The following CAMTA1 variants were observed in gnomAD, a reference collection of about 807,000 sequenced individuals.
CAMTA1 encodes the protein calmodulin-binding transcription activator 1.
Under a neutral mutation model 170.9 loss-of-function variants are expected in CAMTA1, and 27 were observed. The observed-to-expected ratio is 0.16, with a 90% CI of 0.12 to 0.22. The LOEUF is 0.22. Among genes scored for constraint, CAMTA1 ranks in the 10% least tolerant of loss-of-function variants. The pLI, the probability that CAMTA1 is intolerant of heterozygous loss-of-function variation, is 1.00. For missense variants in CAMTA1, 1,619 were observed against 2,217.2 expected (o/e 0.73, Z 5.42); for synonymous variants, 833 against 891.5 (o/e 0.93, Z 1.17).
chr1:6,925,583 C>A (rs1682932914), intron 3 of CAMTA1, among the ~76,000 whole-genome samples: 1 of 152,094 alleles, frequency 6.6e-6, no homozygotes, highest in South Asian at 2.1e-4. Flanking sequence ...GTCCCTGTAG[C>A]CTGGAGGTAG....
chr1:7,537,786 C>T (rs1401866188), intron 6 of CAMTA1, among the ~76,000 whole-genome samples: 4 of 152,182 alleles, frequency 2.6e-5, no homozygotes, highest in African/African-American at 7.2e-5. Context: ...TCAGCAAATG[C>T]CCCCAAACCA....
Position 7,063,243 on chromosome 1 carries a change from T to A in CAMTA1, c.235-28061T>A, listed in dbSNP as rs10864270. On this transcript the variant is annotated intron_variant, in intron 3 of 22. Transcript: ENST00000303635. This position sits in a 1 kb window ranked among gnomAD's most constrained non-coding sequence, Gnocchi z 4.3. ...CTCCCACTTTCTTCACCCCCTAACATCAGGTCAAATCCGGCCTAGAATTCC... is the reference window on the plus strand; with the variant it reads ...CTCCCACTTTCTTCACCCCCTAACAACAGGTCAAATCCGGCCTAGAATTCC... 6.6e-6 allele frequency among the ~76,000 whole-genome samples: 1 copy of A among 152,028 alleles called. No homozygotes were observed. The highest frequency in any genetic ancestry group is 1.5e-5 in the Non-Finnish European group (1 of 68,012).
chr1:6,890,211 C>A (rs138210405), intron 3 of CAMTA1, among the ~76,000 whole-genome samples: 72 of 152,288 alleles, frequency 4.7e-4, no homozygotes, highest in African/African-American at 1.7e-3. Context: ...GTTTCCTACT[C>A]CATTAAGCCA....
At chr1:7,544,829 G>A (rs1176007761) in intron 6 of CAMTA1, among the ~76,000 whole-genome samples, 1 of 152,174 alleles carries the variant, frequency 6.6e-6, no homozygotes, top group Non-Finnish European at 1.5e-5. Context: ...AAGCAAGAGA[G>A]AGAAACCGAA....
chr1:7,152,422 C>T (rs749036935), intron 4 of CAMTA1, among the ~76,000 whole-genome samples: 1 of 152,148 alleles, frequency 6.6e-6, no homozygotes, highest in African/African-American at 2.4e-5. Context: ...CCTTGGGCTC[C>T]CCCTCCAGCT....
chr1:7,655,292 A>ACACC (rs2095886590), intron 7 of CAMTA1, among the ~76,000 whole-genome samples: 2 of 146,458 alleles, frequency 1.4e-5, no homozygotes, highest in Non-Finnish European at 3.0e-5. Flanking sequence ...ATACACACAC[A>ACACC]CACCTATACA....
In CAMTA1 at chr1:7,325,346, C is replaced by A. The variant is rs935719430; in HGVS notation, c.438+75720C>A. On this transcript the variant is annotated intron_variant, in intron 5 of 22. Coordinates refer to ENST00000303635, the MANE Select transcript of CAMTA1 (RefSeq NM_015215.4). This position sits in a 1 kb window ranked among gnomAD's most constrained non-coding sequence, Gnocchi z 5.0. ...CAGTTTTCTGTGGAGTGCTCAGGGG[C>A]GGCCTTGAATGGAGGCTGGAGGGTG... is the stretch of plus-strand genomic sequence containing the variant. 2.0e-5 allele frequency among the ~76,000 whole-genome samples: 3 copies of A among 152,120 alleles called. No homozygotes were observed. The highest frequency in any genetic ancestry group is 4.4e-5 in the Non-Finnish European group (3 of 68,020).
Position 6,840,521 on chromosome 1 carries a change from G to A in CAMTA1, c.234+15311G>A, listed in dbSNP as rs776882944. Among the ~76,000 whole-genome samples the A allele has an allele frequency of 5.9e-5, 9 of 152,160 alleles. 1 individual carries two copies. Among genetic ancestry groups the A allele is most frequent in the Admixed American group, 2.6e-4 (4 of 15,276 alleles). On this transcript the variant is annotated intron_variant, in intron 3 of 22. Transcript: ENST00000303635. ...AGCTACTGCGTTGGTGCTGGGGCTC[G>A]TCAGTGAGACAAGGAAGTGGAGATT...
rs770180119 is a variant in CAMTA1, at chr1:6,825,120, T to C, written c.144T>C (p.His48=). 18 of 1,604,196 alleles carry C rather than the reference T, an allele frequency of 1.1e-5. No homozygotes were observed. Among genetic ancestry groups the C allele is most frequent in the East Asian group, 1.1e-4 (5 of 44,802 alleles). The change falls in exon 3 of 23, where the codon CAT becomes CAC. Residue 48 remains histidine, a synonymous_variant. Coordinates refer to ENST00000303635, the MANE Select transcript of CAMTA1 (RefSeq NM_015215.4). The part of the protein sequence containing the change: ...EDDHGNSNSS[H]VKIFLPKKLL... ...ATCATGGGAACAGCAATAGTAGTCATGTAAAAATCTTTTTACCGAAAAAGC... is the reference window on the plus strand; with the variant it reads ...ATCATGGGAACAGCAATAGTAGTCACGTAAAAATCTTTTTACCGAAAAAGC...
At chr1:7,342,897 C>G (rs1408890180) in intron 5 of CAMTA1, among the ~76,000 whole-genome samples, 1 of 152,180 alleles carries the variant, frequency 6.6e-6, no homozygotes, top group Non-Finnish European at 1.5e-5. Flanking sequence ...GCATTTTCCA[C>G]TTTCCCTGGG....
chr1:7,146,957 A>G lies in CAMTA1; in HGVS notation c.302+55586A>G, dbSNP rs1646228683. Among the ~76,000 whole-genome samples, 1 of 151,708 alleles carries G rather than the reference A, an allele frequency of 6.6e-6. No homozygotes were observed. Among genetic ancestry groups the G allele is most frequent in the Non-Finnish European group, 1.5e-5 (1 of 67,940 alleles). Reference sequence around the variant, plus strand: ...CATGTTCACACACATCACACATTCAAACATATGCCGTGCACACACACAGAA... The same window carrying G: ...CATGTTCACACACATCACACATTCAGACATATGCCGTGCACACACACAGAA... On this transcript the variant is annotated intron_variant, in intron 4 of 22. Transcript: ENST00000303635. The surrounding 1 kb of genome is among the most constrained non-coding windows in gnomAD (Gnocchi z 4.3).
At chr1:7,643,706 T>G (rs1351289714) in intron 7 of CAMTA1, among the ~76,000 whole-genome samples, 1 of 152,212 alleles carries the variant, frequency 6.6e-6, no homozygotes, top group Non-Finnish European at 1.5e-5. Flanking sequence ...CCCATAAATC[T>G]AATAACACTC....
At chr1:7,373,381 A>T (rs2150070590) in intron 5 of CAMTA1, among the ~76,000 whole-genome samples, 1 of 152,324 alleles carries the variant, frequency 6.6e-6, no homozygotes, top group South Asian at 2.1e-4. Context: ...AGCCCCAGGG[A>T]GCCCCGAGTT....
intron 6 of CAMTA1, among the ~76,000 whole-genome samples, chr1:7,571,045 C>T (rs1557936060): frequency 6.6e-6 from 1 of 152,212 alleles, no homozygotes; most frequent in Non-Finnish European, 1.5e-5. Flanking sequence ...ACAATCTGTG[C>T]CCAACTGCCT....
At position 6,970,545 on chromosome 1, in the gene CAMTA1, G is replaced by T. The variant is rs1692341765; in HGVS notation, c.235-120759G>T. On this transcript the variant is annotated intron_variant, in intron 3 of 22. Transcript: ENST00000303635. This position sits in a 1 kb window ranked among gnomAD's most constrained non-coding sequence, Gnocchi z 4.4. ...CCAAGGGCCTGGCAAAGGATGTGGCGACAGGACCCAGGGACTCCACCTGAG... is the reference window on the plus strand; with the variant it reads ...CCAAGGGCCTGGCAAAGGATGTGGCTACAGGACCCAGGGACTCCACCTGAG... 2.0e-5 allele frequency among the ~76,000 whole-genome samples: 3 copies of T among 152,128 alleles called. No homozygotes were observed. The highest frequency in any genetic ancestry group is 4.8e-5 in the African/African-American group (2 of 41,420).
intron 7 of CAMTA1, among the ~76,000 whole-genome samples, chr1:7,655,160 A>T (rs1225863333): frequency 6.9e-6 from 1 of 144,694 alleles, no homozygotes; most frequent in Non-Finnish European, 1.5e-5. Flanking sequence ...ACACACACCT[A>T]TACACACCCA....
At chr1:7,501,473 G>A (rs961569970) in intron 6 of CAMTA1, among the ~76,000 whole-genome samples, 1 of 152,154 alleles carries the variant, frequency 6.6e-6, no homozygotes, top group Non-Finnish European at 1.5e-5. Context: ...GGGCTTGGCG[G>A]GGTGTGGGTT....
rs554351658 is a variant in CAMTA1, at chr1:7,289,820, C to G, written c.438+40194C>G. 5.3e-5 allele frequency among the ~76,000 whole-genome samples: 8 copies of G among 152,262 alleles called. No homozygotes were observed. The South Asian group carries it at 1.7e-3, about 32-fold the overall frequency. ...AGCTGAGAAACACCCAGAATTGACACAAGACTGGAAGCTGGAAGAGACAAG... is the reference window on the plus strand; with the variant it reads ...AGCTGAGAAACACCCAGAATTGACAGAAGACTGGAAGCTGGAAGAGACAAG... On this transcript the variant is annotated intron_variant, in intron 5 of 22. Coordinates refer to ENST00000303635, the MANE Select transcript of CAMTA1 (RefSeq NM_015215.4).
chr1:7,352,665 G>A (rs147280242), intron 5 of CAMTA1, among the ~76,000 whole-genome samples: 1 of 152,352 alleles, frequency 6.6e-6, no homozygotes, highest in African/African-American at 2.4e-5. Context: ...CCTCAGCCCA[G>A]CAGGCTCTGC....
Sources: gnomAD v4.1 joint callset for allele counts (sites outside exome capture counted in the v4.1 genomes callset) on GRCh38, gnomAD v4.1.1 for gene constraint, Gnocchi (gnomAD v3.1) non-coding constraint, MANE v1.5 for transcripts, NCBI Gene and HGNC (gene_info 2026-07-23, HGNC 2026-07-21) for gene names.